DPT: variants seen among roughly 807,000 people sequenced by gnomAD.
DPT encodes dermatopontin, also known as tyrosine-rich acidic matrix protein.
Under a neutral mutation model 31.2 loss-of-function variants are expected in DPT, and 21 were observed. The observed-to-expected ratio is 0.67, with a 90% CI of 0.48 to 0.97. The LOEUF (loss-of-function observed/expected upper bound fraction) is 0.97. Among genes scored for constraint, DPT ranks in the 50% least tolerant of loss-of-function variants. The pLI is 0.00. For synonymous variants in DPT, 91 were observed against 86.9 expected (o/e 1.05, Z -0.26); for missense variants, 262 against 258.8 (o/e 1.01, Z -0.08).
intron 1 of DPT, among the ~76,000 whole-genome samples, chr1:168,718,655 T>C (rs977318491): frequency 1.3e-5 from 2 of 152,190 alleles, no homozygotes; most frequent in African/African-American, 2.4e-5. Flanking sequence ...GGCTCCACTG[T>C]TCTTAGCTGT....
intron 2 of DPT, among the ~76,000 whole-genome samples, chr1:168,703,693 G>T (rs757146724): frequency 6.6e-6 from 1 of 152,200 alleles, no homozygotes; most frequent in Non-Finnish European, 1.5e-5. Context: ...CTGTCCTAGA[G>T]AAACCTGGGT....
chr1:168,706,680 T>C (rs1475230019), intron 2 of DPT, among the ~76,000 whole-genome samples: 1 of 152,234 alleles, frequency 6.6e-6, no homozygotes, highest in Non-Finnish European at 1.5e-5. Context: ...TGTCCTTTTA[T>C]GGCATTTTGG....
At chr1:168,726,391 C>T (rs749817741) in intron 1 of DPT, among the ~76,000 whole-genome samples, 15 of 152,256 alleles carry the variant, frequency 9.9e-5, no homozygotes, top group Non-Finnish European at 1.8e-4. Flanking sequence ...TGGCTTCTCT[C>T]TCTAGCAGGG....
chr1:168,714,391 C>A (rs780450790), intron 1 of DPT, 45 bp from the exon 2 acceptor site: 2 of 1,611,328 alleles, frequency 1.2e-6, no homozygotes, highest in East Asian at 4.5e-5. Context: ...GTGACACATA[C>A]ACAGACCCCT....
chr1:168,725,205 TTTCCTTTCCA>T (rs1650210969), intron 1 of DPT, among the ~76,000 whole-genome samples: 2 of 140,264 alleles, frequency 1.4e-5, no homozygotes, highest in African/African-American at 5.5e-5. Context: ...TTTGCTTTTC[TTTCCTTTCCA>T]TTCCTTTCCT....
At chr1:168,713,202 G>A (rs1649904834) in intron 2 of DPT, among the ~76,000 whole-genome samples, 1 of 152,186 alleles carries the variant, frequency 6.6e-6, no homozygotes, top group African/African-American at 2.4e-5. Context: ...AGGAGTAAAA[G>A]CTGCTTTATG....
intron 3 of DPT, among the ~76,000 whole-genome samples, chr1:168,700,539 G>A (rs935027530): frequency 2.0e-5 from 3 of 152,144 alleles, no homozygotes; most frequent in Non-Finnish European, 4.4e-5. Context: ...CGGGGTGGAA[G>A]GGGGTCCATT....
chr1:168,700,903 G>T, intron 3 of DPT, 114 bp downstream of exon 3: 6 of 156,550 alleles, frequency 3.8e-5, no homozygotes, highest in Non-Finnish European at 6.4e-5. Context: ...GTGTGTGTGT[G>T]TGTGGGTGTG....
intron 2 of DPT, among the ~76,000 whole-genome samples, chr1:168,701,881 T>C (rs773518286): frequency 3.9e-5 from 6 of 152,246 alleles, no homozygotes; most frequent in Non-Finnish European, 8.8e-5. Flanking sequence ...TTGGAACTAA[T>C]AAAAATGAGT....
intron 2 of DPT, 103 bp from the exon 3 acceptor site, chr1:168,701,227 G>A: frequency 1.1e-6 from 1 of 885,206 alleles, no homozygotes; most frequent in Non-Finnish European, 1.8e-6. Flanking sequence ...TGAGCATCCT[G>A]GCAAATCCAG....
intron 1 of DPT, among the ~76,000 whole-genome samples, chr1:168,720,609 T>C (rs1011586672): frequency 2.0e-5 from 3 of 152,132 alleles, no homozygotes; most frequent in African/African-American, 7.2e-5. Context: ...GTCTTTTTTT[T>C]CCCAGCTTCA....
chr1:168,705,792 T>C (rs559042630), intron 2 of DPT, among the ~76,000 whole-genome samples: 1 of 152,234 alleles, frequency 6.6e-6, no homozygotes, highest in Non-Finnish European at 1.5e-5. Context: ...TCAGATGTTG[T>C]GAGAGGGATC....
rs12060879 is a variant in DPT at position 168,696,573 on chromosome 1, G to T, written c.582C>A (p.Tyr194Ter). The stretch of plus-strand genomic sequence containing the variant: ...TCTAAACATTTGCAAATTCACAGTC[G>T]TATTCAGTCATCCGGCACATTATGA... ...WKFIMCRMTE[Y>*]DCEFANV The change falls in exon 4 of 4, where the codon TAC (tyrosine) becomes TAA (stop). Residue 194 changes from tyrosine (Y) to a stop codon, truncating the protein, a stop_gained. Coordinates refer to ENST00000367817, the MANE Select transcript of DPT (RefSeq NM_001937.5). LOFTEE classifies it high-confidence loss of function. The T allele has an allele frequency of 6.7e-5, 108 of 1,613,842 alleles. No individual in the cohort carries two copies. Among genetic ancestry groups the T allele is most frequent in the Non-Finnish European group, 8.6e-5 (102 of 1,179,976 alleles).
intron 1 of DPT, among the ~76,000 whole-genome samples, chr1:168,724,814 G>A (rs1405773948): frequency 6.7e-6 from 1 of 149,066 alleles, no homozygotes; most frequent in Non-Finnish European, 1.5e-5. Flanking sequence ...AATGCACCTC[G>A]ATGCTGCCAT....
Position 168,701,106 on chromosome 1 carries a change from T to C in DPT, c.450A>G (p.Pro150=). The change falls in exon 3 of 4, where the codon CCA becomes CCG. Residue 150 remains proline (P), a synonymous_variant. Coordinates refer to ENST00000367817, the MANE Select transcript of DPT (RefSeq NM_001937.5). ...TGTCCATTTCCTCACCATAGTGACC[T>C]GGATATTCTGTTGTTAGCCTATGCA... ...PYSCWLTTEY[P]GHYGEEMDMI... 2 of 1,613,428 alleles carry C rather than the reference T, an allele frequency of 1.2e-6. No individual in the cohort carries two copies. Among genetic ancestry groups the C allele is most frequent in the Non-Finnish European group, 8.5e-7 (1 of 1,179,518 alleles).
At chr1:168,696,712 T>A (rs1376217131) in intron 3 of DPT, 97 bp from the exon 4 acceptor site, 1 of 1,113,684 alleles carries the variant, frequency 9.0e-7, no homozygotes, top group Non-Finnish European at 1.3e-6. Flanking sequence ...ATTTGGAGGA[T>A]CTGGGAACTG....
intron 2 of DPT, among the ~76,000 whole-genome samples, chr1:168,712,319 A>G (rs1428488411): frequency 3.3e-5 from 5 of 152,056 alleles, no homozygotes; most frequent in Admixed American, 3.3e-4. Flanking sequence ...CAGCCCGTGC[A>G]GGGCTACCTC....
In DPT at chr1:168,699,359, A is replaced by G. The variant is rs376123369; in HGVS notation, c.539+1658T>C. On this transcript the variant is annotated intron_variant, in intron 3 of 3. Transcript: ENST00000367817. Reference sequence around the variant, plus strand: ...AAGCATATTTGTTATCATGTCATCCAGCTATTTATTCTCATTGGTGGAATG... The same window carrying G: ...AAGCATATTTGTTATCATGTCATCCGGCTATTTATTCTCATTGGTGGAATG... Among the ~76,000 whole-genome samples the G allele has an allele frequency of 2.7e-3, 415 of 152,182 alleles. 1 individual carries two copies. Among genetic ancestry groups the G allele is most frequent in the Middle Eastern group, 0.024 (7 of 294 alleles).
Position 168,696,303 on chromosome 1 carries a change from A to G in DPT, c.*246T>C, listed in dbSNP as rs945076115. On this transcript the variant is annotated 3_prime_UTR_variant, in exon 4 of 4. Transcript: ENST00000367817. Reference sequence around the variant, plus strand: ...ATATGTGGTGTGCAAGGAAGCCATCATCAGTCATATAAAGCAGTTGCTATG... The same window carrying G: ...ATATGTGGTGTGCAAGGAAGCCATCGTCAGTCATATAAAGCAGTTGCTATG... The G allele has an allele frequency of 3.2e-5, 18 of 566,216 alleles. No homozygotes were observed. Among genetic ancestry groups the G allele is most frequent in the African/African-American group, 2.3e-4 (12 of 53,206 alleles). The allele number at this position is 566,216 out of a possible 1,614,324, so 35.1% of individuals were successfully genotyped here. A position where few individuals can be genotyped will look rare whatever the true frequency, so the allele number is the denominator to read the frequency against.
Sources: allele counts gnomAD v4.1 joint callset (sites outside exome capture counted in the v4.1 genomes callset), GRCh38; gene constraint gnomAD v4.1.1; transcripts MANE v1.5; gene names NCBI Gene and HGNC (gene_info 2026-07-23, HGNC 2026-07-21).